Variants in MAPK1IP1L observed in about 807,000 individuals in gnomAD.
MAPK1IP1L encodes MAPK-interacting and spindle-stabilizing protein-like.
MAPK1IP1L carries 10 observed loss-of-function variants against 18.1 expected under a neutral mutation model. That is an observed-to-expected ratio of 0.55 (90% confidence interval 0.34 to 0.94). The LOEUF (loss-of-function observed/expected upper bound fraction) is 0.94. Among genes scored for constraint, MAPK1IP1L ranks in the 40% least tolerant of loss-of-function variants. The probability of loss-of-function intolerance (pLI) is 0.02; values close to 1 mark genes in which losing one functional copy is unlikely to be tolerated. For synonymous variants in MAPK1IP1L, 115 were observed against 117.3 expected (o/e 0.98, Z 0.13); for missense variants, 260 against 318.2 (o/e 0.82, Z 1.39).
At position 55,069,881 on chromosome 14, in the gene MAPK1IP1L, A is replaced by ATAGTTC. The variant is rs1373067044; in HGVS notation, c.*5257_*5262dup. On this transcript the variant is annotated 3_prime_UTR_variant, in exon 4 of 4. Transcript: ENST00000395468. ...ACTCCCCCACTTTCTGTTATGAAAG[A>ATAGTTC]TAGTTCTACTTTTATCATTAACTGC... 1 of 152,216 alleles carries ATAGTTC rather than the reference A, an allele frequency of 6.6e-6. No homozygotes were observed. Among genetic ancestry groups the ATAGTTC allele is most frequent in the Non-Finnish European group, 1.5e-5 (1 of 68,044 alleles). The allele number at this position is 152,216 out of a possible 1,614,324, so 9.4% of individuals were successfully genotyped here.
chr14:55,069,147 G>C lies in MAPK1IP1L; in HGVS notation c.*4520G>C, dbSNP rs1200828996. On this transcript the variant is annotated 3_prime_UTR_variant, in exon 4 of 4. Coordinates refer to ENST00000395468, the MANE Select transcript of MAPK1IP1L (RefSeq NM_144578.4). The stretch of plus-strand genomic sequence containing the variant: ...AAAGGCACTTTCACTGCCTGTCACT[G>C]ATCAGCAGATACTGACTTGTTGCCA... The C allele has an allele frequency of 6.6e-6, 1 of 152,158 alleles. No homozygotes were observed. The highest frequency in any genetic ancestry group is 2.4e-5 in the African/African-American group (1 of 41,400). 9.4% of individuals were successfully genotyped at this position (152,158 alleles called of 1,614,324 possible).
chr14:55,051,876 C>G (rs900687319), intron 1 of MAPK1IP1L, 73 bp downstream of exon 1: 12 of 421,884 alleles, frequency 2.8e-5, no homozygotes, highest in Non-Finnish European at 5.2e-5. Context: ...CCCGCGGGCG[C>G]GGCCAAGCGG....
chr14:55,054,482 A>T (rs2042755497), intron 1 of MAPK1IP1L, among the ~76,000 whole-genome samples: 3 of 152,142 alleles, frequency 2.0e-5, no homozygotes, highest in African/African-American at 7.2e-5. Flanking sequence ...TCATCCCCCC[A>T]TACTAAACAA....
chr14:55,063,450 T>A, intron 3 of MAPK1IP1L, 125 bp downstream of exon 3: 1 of 777,050 alleles, frequency 1.3e-6, no homozygotes, highest in Non-Finnish European at 2.0e-6. Flanking sequence ...TGTGTGTATA[T>A]TAAATAAGTA....
At chr14:55,059,548 G>C (rs1013116070) in intron 1 of MAPK1IP1L, among the ~76,000 whole-genome samples, 22 of 152,180 alleles carry the variant, frequency 1.4e-4, no homozygotes, top group African/African-American at 5.3e-4. Context: ...ACTGCACTCT[G>C]GCCAGGGAAC....
At chr14:55,058,486 A>G (rs1220840760) in intron 1 of MAPK1IP1L, among the ~76,000 whole-genome samples, 3 of 152,206 alleles carry the variant, frequency 2.0e-5, no homozygotes, top group Non-Finnish European at 2.9e-5. Context: ...AATAAACTAC[A>G]TGAAAAGGAC....
At chr14:55,057,644 T>C (rs1441344722) in intron 1 of MAPK1IP1L, among the ~76,000 whole-genome samples, 2 of 151,832 alleles carry the variant, frequency 1.3e-5, no homozygotes, top group African/African-American at 2.4e-5. Flanking sequence ...TAGTCCCAGC[T>C]ACTCAGGAGA....
chr14:55,063,039 C>T lies in MAPK1IP1L; in HGVS notation c.440C>T (p.Ser147Phe). 6.2e-7 allele frequency: 1 copy of T among 1,614,016 alleles called. No homozygotes were observed. Among genetic ancestry groups the T allele is most frequent in the Non-Finnish European group, 8.5e-7 (1 of 1,179,964 alleles). Reference protein sequence around the residue: ...AAAGPLGPWGSMSSGPWAPGM... With the variant: ...AAAGPLGPWGFMSSGPWAPGM... ...GCTGGTCCTTTAGGTCCATGGGGAT[C>T]CATGTCTTCTGGACCTTGGGCGCCA... Residue 147 changes from serine to phenylalanine, a missense_variant, in exon 3 of 4, where the codon TCC (serine) becomes TTC (phenylalanine). Physicochemically the swap from Ser to Phe is radical, Grantham distance 155 (BLOSUM62 -2). Transcript: ENST00000395468.
At chr14:55,061,142 A>G (rs1288312231) in intron 1 of MAPK1IP1L, among the ~76,000 whole-genome samples, 1 of 152,204 alleles carries the variant, frequency 6.6e-6, no homozygotes, top group East Asian at 1.9e-4. Context: ...TGACAGAATG[A>G]GACCCTGTCT....
intron 1 of MAPK1IP1L, among the ~76,000 whole-genome samples, chr14:55,059,225 G>GAAAAAAAAAAAAAAAAAAAAAAAACAAAA (rs3078612): frequency 1.6e-5 from 1 of 63,280 alleles, no homozygotes; most frequent in African/African-American, 5.8e-5. Flanking sequence ...AGGAAAATCT[G>GAAAAAAAAAAAAAAAAAAAAAAAACAAAA]AAAAAAAAAA....
At chr14:55,053,413 G>T (rs534333964) in intron 1 of MAPK1IP1L, among the ~76,000 whole-genome samples, 1 of 152,280 alleles carries the variant, frequency 6.6e-6, no homozygotes, top group South Asian at 2.1e-4. Context: ...TTTGGTATTT[G>T]TTTTCCACCC....
rs573868631 is a variant in MAPK1IP1L, at chr14:55,062,648, G to C, written c.49G>C (p.Ala17Pro). 6.2e-7 allele frequency: 1 copy of C among 1,613,722 alleles called. No homozygotes were observed. The highest frequency in any genetic ancestry group is 1.7e-5 in the Admixed American group (1 of 59,966). Residue 17 changes from alanine to proline, a missense_variant, in exon 3 of 4, where the codon GCC (alanine) becomes CCC (proline). Ala to Pro is a conservative substitution (Grantham distance 27). Transcript: ENST00000395468. ...AGATGCACTACCTGAACACTCCCCTGCCAAAACCTCTGCTGTGAGCAATAC... is the reference window on the plus strand; with the variant it reads ...AGATGCACTACCTGAACACTCCCCTCCCAAAACCTCTGCTGTGAGCAATAC... ...LADALPEHSP[A>P]KTSAVSNTKP...
At chr14:55,053,423 C>G (rs745423496) in intron 1 of MAPK1IP1L, among the ~76,000 whole-genome samples, 1 of 152,208 alleles carries the variant, frequency 6.6e-6, no homozygotes, top group Non-Finnish European at 1.5e-5. Context: ...GTTTTCCACC[C>G]AAGCACTATT....
intron 1 of MAPK1IP1L, among the ~76,000 whole-genome samples, chr14:55,052,185 C>CTCCCT (rs2042735554): frequency 6.6e-6 from 1 of 150,722 alleles, no homozygotes; most frequent in Admixed American, 6.6e-5. Context: ...TGATCCCGGA[C>CTCCCT]TCCCTTTGTT....
At position 55,067,105 on chromosome 14, in the gene MAPK1IP1L, T is replaced by G. The variant is rs1390451599; in HGVS notation, c.*2478T>G. 1 of 147,432 alleles carries G rather than the reference T, an allele frequency of 6.8e-6. No individual in the cohort carries two copies. The highest frequency in any genetic ancestry group is 1.5e-5 in the Non-Finnish European group (1 of 66,956). The allele number at this position is 147,432 out of a possible 1,614,324, so 9.1% of individuals were successfully genotyped here. A position where few individuals can be genotyped will look rare whatever the true frequency, so the allele number is the denominator to read the frequency against. On this transcript the variant is annotated 3_prime_UTR_variant, in exon 4 of 4. Coordinates refer to ENST00000395468, the MANE Select transcript of MAPK1IP1L (RefSeq NM_144578.4). ...TTTTTTAGTAGAGATGGGGTTTCAC[T>G]GTGTTAGCCAGGATGGTCTCGATCT...
Position 55,062,744 on chromosome 14 carries a change from G to T in MAPK1IP1L, c.145G>T (p.Val49Leu). The T allele has an allele frequency of 3.1e-6, 5 of 1,614,120 alleles. No homozygotes were observed. The highest frequency in any genetic ancestry group is 3.4e-6 in the Non-Finnish European group (4 of 1,180,010). Residue 49 changes from valine (V) to leucine (L), a missense_variant, in exon 3 of 4, where the codon GTG becomes TTG. Coordinates refer to ENST00000395468, the MANE Select transcript of MAPK1IP1L (RefSeq NM_144578.4). ...GAATAATCCGAGTGCTCCATCTTCA[G>T]TGCCATCTGGACTCCCACCAAGTGC... ...PWNNPSAPSS[V>L]PSGLPPSATP...
In MAPK1IP1L at chr14:55,069,074, A is replaced by G. The variant is rs1488572258; in HGVS notation, c.*4447A>G. ...TAGTGTTGATCAGCGCAACAATTCA[A>G]GTGTGCAAAGTAACAGGATAGTTTG... On this transcript the variant is annotated 3_prime_UTR_variant, in exon 4 of 4. Coordinates refer to ENST00000395468, the MANE Select transcript of MAPK1IP1L (RefSeq NM_144578.4). 6.6e-6 allele frequency: 1 copy of G among 152,044 alleles called. No individual in the cohort carries two copies. Among genetic ancestry groups the G allele is most frequent in the Non-Finnish European group, 1.5e-5 (1 of 68,030 alleles). 9.4% of individuals were successfully genotyped at this position (152,044 alleles called of 1,614,324 possible). A position where few individuals can be genotyped will look rare whatever the true frequency, so the allele number is the denominator to read the frequency against.
At chr14:55,054,295 C>T (rs1457214998) in intron 1 of MAPK1IP1L, among the ~76,000 whole-genome samples, 2 of 151,194 alleles carry the variant, frequency 1.3e-5, no homozygotes, top group African/African-American at 2.4e-5. Context: ...AGGTGCCTTC[C>T]ACCACGCCCA....
rs199678260 is a variant in MAPK1IP1L, at chr14:55,063,258, C to G, written c.659C>G (p.Thr220Ser). 1.7e-4 allele frequency: 273 copies of G among 1,614,088 alleles called. No individual in the cohort carries two copies. Among genetic ancestry groups the G allele is most frequent in the Non-Finnish European group, 2.2e-4 (257 of 1,180,044 alleles). ...GSYPTPGLYPTPSNPFQVPSG... is the reference protein window; with the variant it reads ...GSYPTPGLYPSPSNPFQVPSG... ...TATCCCACACCAGGACTCTATCCTA[C>G]TCCCAGTAATCCTTTCCAAGTGCCT... Residue 220 changes from threonine (T) to serine (S), a missense_variant, in exon 3 of 4, where the codon ACT becomes AGT. Transcript: ENST00000395468.
Sources: gnomAD v4.1 joint callset for allele counts (sites outside exome capture counted in the v4.1 genomes callset) on GRCh38, gnomAD v4.1.1 for gene constraint, MANE v1.5 for transcripts, NCBI Gene and HGNC (gene_info 2026-07-23, HGNC 2026-07-21) for gene names.